The following EYS variants were observed in gnomAD, a reference collection of about 807,000 sequenced individuals.
EYS encodes protein eyes shut homolog.
EYS carries 250 observed loss-of-function variants against 282.1 expected under a neutral mutation model. That is an observed-to-expected ratio of 0.89 (90% CI 0.80 to 0.98). The LOEUF is 0.98. EYS is among the 50% of genes least tolerant of loss of function. EYS has a pLI of 0.00. For missense variants in EYS, 4,016 were observed against 3,709.0 expected (o/e 1.08, Z -2.15); for synonymous variants, 1,355 against 1,282.9 (o/e 1.06, Z -1.20).
At chr6:64,303,375 C>T (rs1025426501) in intron 30 of EYS, among the ~76,000 whole-genome samples, 17 of 152,176 alleles carry the variant, frequency 1.1e-4, no homozygotes, top group Non-Finnish European at 1.5e-4. Flanking sequence ...AGCTGGAATA[C>T]GAGCAGTGAC....
intron 8 of EYS, among the ~76,000 whole-genome samples, chr6:65,354,312 C>T (rs913740360): frequency 1.3e-5 from 2 of 152,052 alleles, no homozygotes; most frequent in East Asian, 1.9e-4. Context: ...TACTTCTCCA[C>T]GTTTTTTATT....
At chr6:65,373,478 T>C (rs1266309580) in intron 8 of EYS, among the ~76,000 whole-genome samples, 1 of 152,030 alleles carries the variant, frequency 6.6e-6, no homozygotes, top group East Asian at 1.9e-4. Context: ...TGTAACACTC[T>C]GGGAGGTAAA....
intron 22 of EYS, among the ~76,000 whole-genome samples, chr6:64,654,812 A>T (rs1297960838): frequency 6.6e-6 from 1 of 152,224 alleles, no homozygotes; most frequent in Non-Finnish European, 1.5e-5. Flanking sequence ...ATATAGGGAC[A>T]GCTATACATT....
intron 36 of EYS, among the ~76,000 whole-genome samples, chr6:63,827,850 C>CAAAAAAAA: frequency 1.2e-5 from 1 of 85,022 alleles, no homozygotes; most frequent in African/African-American, 4.4e-5. Flanking sequence ...GACTCCGTCT[C>CAAAAAAAA]AAAAAAAAAA....
At chr6:64,480,679 C>T (rs538120903) in intron 26 of EYS, among the ~76,000 whole-genome samples, 3 of 151,692 alleles carry the variant, frequency 2.0e-5, no homozygotes, top group East Asian at 1.9e-4. Context: ...TAGCAGTAAA[C>T]GTTATAAATC....
intron 12 of EYS, among the ~76,000 whole-genome samples, chr6:65,151,910 A>G (rs1168505767): frequency 6.6e-6 from 1 of 151,844 alleles, no homozygotes; most frequent in Non-Finnish European, 1.5e-5. Flanking sequence ...TTTTCCTCCC[A>G]CTATTTTATT....
chr6:64,254,426 T>G (rs1767324297), intron 30 of EYS, among the ~76,000 whole-genome samples: 1 of 152,102 alleles, frequency 6.6e-6, no homozygotes, highest in Admixed American at 6.6e-5. Context: ...CTGACCTATC[T>G]TACTACATCA....
intron 10 of EYS, among the ~76,000 whole-genome samples, chr6:65,342,844 A>G (rs975158313): frequency 6.6e-6 from 1 of 150,992 alleles, no homozygotes; most frequent in Non-Finnish European, 1.5e-5. Context: ...TATATTATAA[A>G]AGGATACTGA....
rs554137175 is a variant in EYS, at chr6:64,556,940, T to C, written c.5644+33283A>G. ...TGACTGTTAACAAAGAGAGGTAATA[T>C]TGACAATTTTACATTAATGTTACTT... On this transcript the variant is annotated intron_variant, in intron 26 of 42. Coordinates refer to ENST00000503581, the MANE Select transcript of EYS (RefSeq NM_001142800.2). Among the ~76,000 whole-genome samples the C allele has an allele frequency of 1.4e-3, 208 of 152,016 alleles. 2 individuals are homozygous for C. The highest frequency in any genetic ancestry group is 3.4e-3 in the Middle Eastern group (1 of 294).
intron 19 of EYS, among the ~76,000 whole-genome samples, chr6:64,869,908 A>G (rs1441918976): frequency 6.6e-6 from 1 of 151,578 alleles, no homozygotes; most frequent in East Asian, 1.9e-4. Context: ...AGGTAAGACT[A>G]GAAGTAAGGA....
At chr6:65,535,619 A>T (rs1377261248) in intron 2 of EYS, among the ~76,000 whole-genome samples, 2 of 152,118 alleles carry the variant, frequency 1.3e-5, no homozygotes, top group African/African-American at 4.8e-5. Flanking sequence ...CATAGAGCTG[A>T]TATTTTAGTT....
intron 26 of EYS, among the ~76,000 whole-genome samples, chr6:64,479,512 C>G (rs1341215383): frequency 6.6e-6 from 1 of 151,986 alleles, no homozygotes; most frequent in African/African-American, 2.4e-5. Flanking sequence ...TCTTGTCTGT[C>G]ACACTGGGCA....
At chr6:64,587,567 T>C (rs1307734115) in intron 26 of EYS, among the ~76,000 whole-genome samples, 1 of 152,104 alleles carries the variant, frequency 6.6e-6, no homozygotes, top group Non-Finnish European at 1.5e-5. Flanking sequence ...ACAACCACTA[T>C]TAAGCAGCTA....
At chr6:63,945,223 G>A (rs533205566) in intron 35 of EYS, among the ~76,000 whole-genome samples, 1 of 152,132 alleles carries the variant, frequency 6.6e-6, no homozygotes, top group Admixed American at 6.6e-5. Context: ...CGGTGGAAGG[G>A]GAACACATCC....
chr6:64,932,915 A>C (rs1768773118), intron 15 of EYS, among the ~76,000 whole-genome samples: 1 of 152,058 alleles, frequency 6.6e-6, no homozygotes, highest in Admixed American at 6.6e-5. Context: ...AAACAAAAAC[A>C]CTAGCTACTA....
At chr6:63,748,934 ACTC>A (rs1769275395) in intron 41 of EYS, among the ~76,000 whole-genome samples, 1 of 149,850 alleles carries the variant, frequency 6.7e-6, no homozygotes, top group Non-Finnish European at 1.5e-5. Flanking sequence ...CAAAAACACA[ACTC>A]CTGGATTTGT....
At chr6:65,397,068 C>A (rs1245451944) in intron 7 of EYS, among the ~76,000 whole-genome samples, 1 of 151,900 alleles carries the variant, frequency 6.6e-6, no homozygotes, top group African/African-American at 2.4e-5. Flanking sequence ...TCCATTAACT[C>A]CCTCAAATAT....
intron 40 of EYS, among the ~76,000 whole-genome samples, chr6:63,772,683 ATT>A (rs549658699): frequency 5.5e-4 from 84 of 152,042 alleles, no homozygotes; most frequent in African/African-American, 2.0e-3. Context: ...TCATTTCCTA[ATT>A]TTTCTTCAGT....
intron 22 of EYS, among the ~76,000 whole-genome samples, chr6:64,649,023 A>C (rs1768457011): frequency 6.6e-6 from 1 of 152,176 alleles, no homozygotes; most frequent in Non-Finnish European, 1.5e-5. Context: ...TATACTTTGC[A>C]CTACCTTATA....
Sources: allele counts gnomAD v4.1 joint callset (sites outside exome capture counted in the v4.1 genomes callset), GRCh38; gene constraint gnomAD v4.1.1; transcripts MANE v1.5; gene names NCBI Gene and HGNC (gene_info 2026-07-23, HGNC 2026-07-21).